Variants in SLC4A4 observed in about 807,000 individuals in gnomAD.
The protein encoded by SLC4A4 is solute carrier family 4 member 4, also known as electrogenic sodium bicarbonate cotransporter 1.
A neutral mutation model predicts 111.5 loss-of-function variants in SLC4A4; 27 were observed. The observed-to-expected ratio is 0.24, with a 90% CI of 0.18 to 0.33. SLC4A4 has a LOEUF of 0.33. SLC4A4 is among the 10% of genes least tolerant of loss of function. The pLI is 1.00. For missense variants in SLC4A4, 909 were observed against 1,315.5 expected (o/e 0.69, Z 4.78); for synonymous variants, 443 against 463.4 (o/e 0.96, Z 0.57).
rs145228022 is a variant in SLC4A4 at position 71,323,290 on chromosome 4, G to A, written c.254-16080G>A. 1.7e-3 allele frequency among the ~76,000 whole-genome samples: 262 copies of A among 152,086 alleles called. 2 individuals are homozygous for A. The highest frequency in any genetic ancestry group is 6.1e-3 in the African/African-American group (254 of 41,518). On this transcript the variant is annotated intron_variant, in intron 3 of 25. Transcript: ENST00000264485. ...TAAGGATAATAATTGTTAACATTTA[G>A]TGTATGTCCTTCTGGTGGTTTTTTT...
chr4:71,242,588 G>A (rs1578659320), intron 2 of SLC4A4, among the ~76,000 whole-genome samples: 1 of 152,028 alleles, frequency 6.6e-6, no homozygotes, highest in Non-Finnish European at 1.5e-5. Flanking sequence ...CCTGGCATTA[G>A]GAACAGGAGT....
chr4:71,561,446 C>G (rs1043379870), intron 23 of SLC4A4, among the ~76,000 whole-genome samples: 1 of 151,778 alleles, frequency 6.6e-6, no homozygotes, highest in African/African-American at 2.4e-5. Context: ...CCAGGCCTCT[C>G]TGGTTATTTC....
intron 1 of SLC4A4, among the ~76,000 whole-genome samples, chr4:71,207,591 C>T (rs1578595613): frequency 6.6e-6 from 1 of 152,036 alleles, no homozygotes; most frequent in East Asian, 1.9e-4. Flanking sequence ...AATCAGATAG[C>T]CTTAGATGAT....
chr4:71,446,101 C>T (rs1725203240), intron 8 of SLC4A4, among the ~76,000 whole-genome samples: 1 of 152,022 alleles, frequency 6.6e-6, no homozygotes, highest in African/African-American at 2.4e-5. Context: ...TGGTATAAAA[C>T]CTGAGTATTC....
intron 7 of SLC4A4, among the ~76,000 whole-genome samples, chr4:71,423,231 A>G (rs1722740719): frequency 6.6e-6 from 1 of 152,234 alleles, no homozygotes; most frequent in Non-Finnish European, 1.5e-5. Context: ...GTGAACTCCC[A>G]TTAACAATTG....
At position 71,571,521 on chromosome 4, in the gene SLC4A4, G is replaced by A. The variant is rs1312162465; in HGVS notation, c.*3770G>A. ...ACGCCAACCAGTCAAGTTGTGTTTTGGCCAGAGATTTAGATATGTCCAATT... is the reference window on the plus strand; with the variant it reads ...ACGCCAACCAGTCAAGTTGTGTTTTAGCCAGAGATTTAGATATGTCCAATT... On this transcript the variant is annotated 3_prime_UTR_variant, in exon 26 of 26. Coordinates refer to ENST00000264485, the MANE Select transcript of SLC4A4 (RefSeq NM_001098484.3). 3 of 152,048 alleles carry A rather than the reference G, an allele frequency of 2.0e-5. No individual in the cohort carries two copies. The highest frequency in any genetic ancestry group is 7.3e-5 in the African/African-American group (3 of 41,314). The allele number at this position is 152,048 out of a possible 1,614,324, so 9.4% of individuals were successfully genotyped here.
intron 3 of SLC4A4, among the ~76,000 whole-genome samples, chr4:71,322,807 A>G (rs1727222964): frequency 6.6e-6 from 1 of 152,010 alleles, no homozygotes; most frequent in African/African-American, 2.4e-5. Flanking sequence ...ATTCTTTACC[A>G]TTTCAATTAA....
Position 71,325,010 on chromosome 4 carries a change from A to G in SLC4A4, c.254-14360A>G, listed in dbSNP as rs942088457. Among the ~76,000 whole-genome samples the G allele has an allele frequency of 1.2e-4, 19 of 152,120 alleles. 1 individual carries two copies. The East Asian group carries it at 3.5e-3, about 28-fold the overall frequency. On this transcript the variant is annotated intron_variant, in intron 3 of 25. Coordinates refer to ENST00000264485, the MANE Select transcript of SLC4A4 (RefSeq NM_001098484.3). ...AGCTTTTCTTGAGTGGGAGCTTATT[A>G]ATACTTGGATACCTAAATATGTTTA...
At chr4:71,166,829 T>C (rs1207506811) in intron 2 of SLC4A4, among the ~76,000 whole-genome samples, 2 of 152,184 alleles carry the variant, frequency 1.3e-5, no homozygotes, top group East Asian at 3.9e-4. Context: ...TGAAATGACA[T>C]TTAGTTTAAA....
chr4:71,385,643 T>A (rs190166660), intron 6 of SLC4A4, among the ~76,000 whole-genome samples: 2 of 152,328 alleles, frequency 1.3e-5, no homozygotes, highest in East Asian at 3.9e-4. Context: ...GAACTGTAAG[T>A]ACATTTTCTT....
At chr4:71,144,516 G>A (rs1366649689) in intron 2 of SLC4A4, among the ~76,000 whole-genome samples, 1 of 151,872 alleles carries the variant, frequency 6.6e-6, no homozygotes, top group Admixed American at 6.6e-5. Flanking sequence ...GGATGGCATT[G>A]AATCTATAAA....
At chr4:71,549,480 T>C (rs898649641) in intron 20 of SLC4A4, among the ~76,000 whole-genome samples, 1 of 151,916 alleles carries the variant, frequency 6.6e-6, no homozygotes, top group African/African-American at 2.4e-5. Context: ...TTATGAGCTC[T>C]CTTTGTGCTC....
chr4:71,093,486 T>G (rs908096364), intron 2 of SLC4A4, among the ~76,000 whole-genome samples: 2 of 152,174 alleles, frequency 1.3e-5, no homozygotes, highest in African/African-American at 4.8e-5. Flanking sequence ...CTCCTTTCTG[T>G]CTTTACTTTA....
chr4:71,371,976 A>G (rs1390535265), intron 6 of SLC4A4, among the ~76,000 whole-genome samples: 1 of 152,206 alleles, frequency 6.6e-6, no homozygotes, highest in Non-Finnish European at 1.5e-5. Context: ...ACTTGTAAAA[A>G]CTATTTCACC....
At chr4:71,149,876 G>C (rs926491876) in intron 2 of SLC4A4, among the ~76,000 whole-genome samples, 1 of 152,106 alleles carries the variant, frequency 6.6e-6, no homozygotes, top group Non-Finnish European at 1.5e-5. Context: ...ATCAAATGGA[G>C]CCCCTAAATC....
At chr4:71,351,275 C>A (rs912017373) in intron 5 of SLC4A4, among the ~76,000 whole-genome samples, 8 of 152,190 alleles carry the variant, frequency 5.3e-5, no homozygotes, top group African/African-American at 1.7e-4. Context: ...TCTTCACATG[C>A]AGCTAAAGGG....
At chr4:71,433,801 T>C (rs1027655310) in intron 7 of SLC4A4, among the ~76,000 whole-genome samples, 5 of 152,182 alleles carry the variant, frequency 3.3e-5, no homozygotes, top group Admixed American at 1.3e-4. Flanking sequence ...AAGGAAAATA[T>C]TATAAGGTGT....
At chr4:71,321,643 A>G (rs1727129798) in intron 3 of SLC4A4, among the ~76,000 whole-genome samples, 2 of 151,936 alleles carry the variant, frequency 1.3e-5, no homozygotes. Flanking sequence ...TTGGAGTGTC[A>G]TAATATGGCA....
intron 3 of SLC4A4, among the ~76,000 whole-genome samples, chr4:71,268,317 C>G (rs943804911): frequency 1.3e-5 from 2 of 152,036 alleles, no homozygotes; most frequent in Non-Finnish European, 2.9e-5. Flanking sequence ...GTAAATCATA[C>G]CCAGGCCTTT....
Sources: gnomAD v4.1 joint callset for allele counts (sites outside exome capture counted in the v4.1 genomes callset) on GRCh38, gnomAD v4.1.1 for gene constraint, MANE v1.5 for transcripts, NCBI Gene and HGNC (gene_info 2026-07-23, HGNC 2026-07-21) for gene names.